QSER1: variants seen among roughly 807,000 people sequenced by gnomAD.
QSER1 encodes the protein glutamine and serine-rich protein 1.
In QSER1, 49 loss-of-function variants were observed where a neutral mutation model predicts 158.5. The ratio of observed to expected loss-of-function variants is 0.31; its 90% confidence interval spans 0.25 to 0.39. The LOEUF is 0.39. Among genes scored for constraint, QSER1 ranks in the 10% least tolerant of loss-of-function variants. The probability of loss-of-function intolerance (pLI) is 1.00; values close to 1 mark genes in which losing one functional copy is unlikely to be tolerated. For synonymous variants in QSER1, 650 were observed against 715.5 expected (o/e 0.91, Z 1.46); for missense variants, 1,754 against 2,010.3 (o/e 0.87, Z 2.44).
chr11:32,943,760 G>C (rs1852281504), intron 4 of QSER1, among the ~76,000 whole-genome samples: 1 of 152,070 alleles, frequency 6.6e-6, no homozygotes, highest in African/African-American at 2.4e-5. Context: ...AAATGAGTTA[G>C]GGAGGATTCC....
chr11:32,955,178 G>T (rs1178779503), intron 5 of QSER1, 118 bp from the exon 6 acceptor site: 1 of 607,994 alleles, frequency 1.6e-6, no homozygotes, highest in Non-Finnish European at 2.9e-6. Flanking sequence ...ATCAGATAGA[G>T]AGGTGAGATA....
At chr11:32,970,396 AGTTTTTGTTTGTTC>A (rs1345783636) in intron 10 of QSER1, among the ~76,000 whole-genome samples, 1 of 152,102 alleles carries the variant, frequency 6.6e-6, no homozygotes, top group Non-Finnish European at 1.5e-5. Flanking sequence ...CTCCTAGTCC[AGTTTTTGTTTGTTC>A]GTTTTTGTTT....
chr11:32,918,436 G>C (rs989979824), intron 1 of QSER1, among the ~76,000 whole-genome samples: 1 of 151,742 alleles, frequency 6.6e-6, no homozygotes, highest in African/African-American at 2.4e-5. Flanking sequence ...ATCTTGAGAG[G>C]TGAAATTTAA....
chr11:32,951,538 T>C (rs1852422310), intron 4 of QSER1, among the ~76,000 whole-genome samples: 1 of 152,220 alleles, frequency 6.6e-6, no homozygotes, highest in Non-Finnish European at 1.5e-5. Flanking sequence ...ATCTTAACAG[T>C]GTTGCGTCTT....
rs1420074907 is a variant in QSER1 at position 32,977,112 on chromosome 11, CAA to C, written c.*639_*640del. ...GTCAAATTATATTGTGATAAAAAAA[CAA>C]TGACATACTATTTTCCCTATCGCAA... On this transcript the variant is annotated 3_prime_UTR_variant, in exon 13 of 13. Transcript: ENST00000650167. 6.6e-6 allele frequency: 1 copy of C among 152,566 alleles called. No homozygotes were observed. The highest frequency in any genetic ancestry group is 6.5e-5 in the Admixed American group (1 of 15,270). The allele number at this position is 152,566 out of a possible 1,614,324, so 9.5% of individuals were successfully genotyped here.
intron 4 of QSER1, among the ~76,000 whole-genome samples, chr11:32,947,206 GGGAGCTGTAGACC>G (rs1200742784): frequency 3.9e-5 from 6 of 152,200 alleles, no homozygotes; most frequent in African/African-American, 1.4e-4. Flanking sequence ...CGCTCAGGCT[GGGAGCTGTAGACC>G]GGAGCTGTTC....
intron 12 of QSER1, 116 bp from the exon 13 acceptor site, chr11:32,976,218 T>A (rs935129714): frequency 1.1e-6 from 1 of 927,768 alleles, no homozygotes. Context: ...CAAATTTAGC[T>A]GAAATAATCA....
chr11:32,971,459 T>C (rs1487017365), intron 10 of QSER1, among the ~76,000 whole-genome samples: 1 of 152,176 alleles, frequency 6.6e-6, no homozygotes, highest in Non-Finnish European at 1.5e-5. Flanking sequence ...ATTGGAAAGA[T>C]TTAAATTTTC....
At chr11:32,900,207 A>G (rs760669089) in intron 1 of QSER1, among the ~76,000 whole-genome samples, 19 of 152,186 alleles carry the variant, frequency 1.2e-4, no homozygotes, top group Non-Finnish European at 2.5e-4. Flanking sequence ...TTAACTTTTC[A>G]AAAGTATAGG....
intron 1 of QSER1, among the ~76,000 whole-genome samples, chr11:32,914,751 T>C (rs1851811572): frequency 6.6e-6 from 1 of 152,240 alleles, no homozygotes; most frequent in African/African-American, 2.4e-5. Context: ...TCATATACCA[T>C]CTTCACTGCA....
intron 8 of QSER1, among the ~76,000 whole-genome samples, chr11:32,960,199 G>A (rs749696393): frequency 1.3e-5 from 2 of 152,108 alleles, no homozygotes; most frequent in South Asian, 4.2e-4. Flanking sequence ...ACAACATAGC[G>A]AGACCCCATA....
At chr11:32,897,136 C>CTT (rs752705281) in intron 1 of QSER1, among the ~76,000 whole-genome samples, 63 of 152,258 alleles carry the variant, frequency 4.1e-4, no homozygotes, top group Non-Finnish European at 6.0e-4. Flanking sequence ...TGAATACATA[C>CTT]ATTCATTTAT....
In QSER1 at chr11:32,953,886, A is replaced by G. The variant is rs1214079138; in HGVS notation, c.4207A>G (p.Thr1403Ala). 6.2e-7 allele frequency: 1 copy of G among 1,613,700 alleles called. No individual in the cohort carries two copies. Among genetic ancestry groups the G allele is most frequent in the Admixed American group, 1.7e-5 (1 of 59,976 alleles). Residue 1403 changes from threonine (T) to alanine (A), a missense_variant, in exon 5 of 13, where the codon ACT becomes GCT. Thr to Ala is a moderately conservative substitution (Grantham distance 58). Coordinates refer to ENST00000650167, the MANE Select transcript of QSER1 (RefSeq NM_001076786.3). ...CCTACAGGTGGCAACTACTAGCCCA[A>G]CTGCCAATACTACTGGTACTGCTAC... ...EALQVATTSP[T>A]ANTTGTATTS... is the part of the protein sequence containing the mutation.
intron 1 of QSER1, among the ~76,000 whole-genome samples, chr11:32,896,686 G>T (rs529113063): frequency 2.0e-5 from 3 of 152,252 alleles, no homozygotes; most frequent in African/African-American, 4.8e-5. Flanking sequence ...ACCGTGCCTG[G>T]CCTGTTTTTT....
intron 1 of QSER1, among the ~76,000 whole-genome samples, chr11:32,922,861 A>G (rs998974487): frequency 2.0e-5 from 3 of 152,056 alleles, no homozygotes; most frequent in African/African-American, 7.2e-5. Flanking sequence ...CTAGACATAC[A>G]TTATTGGTGG....
At chr11:32,922,635 C>T (rs1851913821) in intron 1 of QSER1, among the ~76,000 whole-genome samples, 1 of 151,924 alleles carries the variant, frequency 6.6e-6, no homozygotes, top group African/African-American at 2.4e-5. Flanking sequence ...CAGACCTGTG[C>T]CACCATGCCT....
At chr11:32,949,279 T>C (rs1852385196) in intron 4 of QSER1, among the ~76,000 whole-genome samples, 1 of 152,202 alleles carries the variant, frequency 6.6e-6, no homozygotes, top group Non-Finnish European at 1.5e-5. Flanking sequence ...GATAACTATG[T>C]GACTTGTTTT....
At chr11:32,919,121 C>T (rs1851870602) in intron 1 of QSER1, among the ~76,000 whole-genome samples, 1 of 152,126 alleles carries the variant, frequency 6.6e-6, no homozygotes, top group African/African-American at 2.4e-5. Flanking sequence ...TTATCTGTGA[C>T]AGTTTTTCCA....
At chr11:32,975,584 T>C (rs762226365) in intron 12 of QSER1, 1 of 1,321,314 alleles carries the variant, frequency 7.6e-7, no homozygotes, top group Middle Eastern at 2.0e-4. Flanking sequence ...GTTTTGAAGC[T>C]GTTGGTGCTT....
Sources: allele counts gnomAD v4.1 joint callset (sites outside exome capture counted in the v4.1 genomes callset), GRCh38; gene constraint gnomAD v4.1.1; transcripts MANE v1.5; gene names NCBI Gene and HGNC (gene_info 2026-07-23, HGNC 2026-07-21).